XPO6: variants seen among roughly 807,000 people sequenced by gnomAD.
The protein encoded by XPO6 is exportin-6.
In XPO6, 3 loss-of-function variants were observed where a neutral mutation model predicts 130.0. That is an observed-to-expected ratio of 0.02 (90% CI 0.01 to 0.06). The LOEUF (loss-of-function observed/expected upper bound fraction) is 0.06, where lower values mean the gene tolerates loss of function less well. Ranked by LOEUF, XPO6 falls within the 10% of genes least tolerant of loss-of-function variation. XPO6 has a pLI of 1.00. For synonymous variants in XPO6, 524 were observed against 548.9 expected (o/e 0.95, Z 0.63); for missense variants, 970 against 1,393.0 (o/e 0.70, Z 4.83).
At chr16:28,123,226 C>G (rs2087290614) in intron 13 of XPO6, among the ~76,000 whole-genome samples, 2 of 152,080 alleles carry the variant, frequency 1.3e-5, no homozygotes, top group African/African-American at 2.4e-5. Context: ...CCTCAGCGCC[C>G]CCTCCCATAG....
At chr16:28,131,059 C>T (rs2042658940) in intron 12 of XPO6, among the ~76,000 whole-genome samples, 1 of 152,222 alleles carries the variant, frequency 6.6e-6, no homozygotes, top group Non-Finnish European at 1.5e-5. Context: ...CTGGAAACAT[C>T]TGTAGCACTT....
chr16:28,194,002 G>A (rs1474955716), intron 1 of XPO6, among the ~76,000 whole-genome samples: 1 of 152,138 alleles, frequency 6.6e-6, no homozygotes, highest in African/African-American at 2.4e-5. Context: ...AATCAGGGCA[G>A]GTCGCATCTA....
chr16:28,155,296 TA>T (rs1197394874), intron 7 of XPO6, among the ~76,000 whole-genome samples: 2 of 152,182 alleles, frequency 1.3e-5, no homozygotes, highest in East Asian at 3.8e-4. Flanking sequence ...TGAAAGTCCC[TA>T]AACCGTCAAT....
rs2042686478 is a variant in XPO6, at chr16:28,132,271, T to G, written c.1606+63A>C. 7.1e-6 allele frequency: 9 copies of G among 1,274,960 alleles called. No homozygotes were observed. The highest frequency in any genetic ancestry group is 1.5e-5 in the African/African-American group (1 of 66,842). The allele number at this position is 1,274,960 out of a possible 1,614,324, so 79.0% of individuals were successfully genotyped here. A position where few individuals can be genotyped will look rare whatever the true frequency, so the allele number is the denominator to read the frequency against. On this transcript the variant is annotated intron_variant, in intron 12 of 23. Transcript: ENST00000304658. The surrounding 1 kb of genome is among the most constrained non-coding windows in gnomAD (Gnocchi z 4.0). ...GTTCCGACAGCAACGGCAGCAGTAA[T>G]GAAATATCAGTCCGATGGTTTTTTG...
intron 7 of XPO6, chr16:28,155,525 G>A (rs1335405071): frequency 6.6e-6 from 1 of 151,596 alleles, no homozygotes; most frequent in African/African-American, 2.4e-5. Flanking sequence ...ACACAGCTGT[G>A]TGCTACATTA....
Position 28,112,016 on chromosome 16 carries a change from A to AC in XPO6, c.2152-11dup. 1 of 1,606,128 alleles carries AC rather than the reference A, an allele frequency of 6.2e-7. No homozygotes were observed. The highest frequency in any genetic ancestry group is 8.5e-7 in the Non-Finnish European group (1 of 1,176,060). On this transcript the variant is annotated splice_polypyrimidine_tract_variant and intron_variant, in intron 16 of 23. Transcript: ENST00000304658. The stretch of plus-strand genomic sequence containing the variant: ...ACACCAACACCTGGGCCTACAAGAG[A>AC]CCCCAAAGGCATCCATCAGAGGTCA...
intron 9 of XPO6, among the ~76,000 whole-genome samples, chr16:28,139,180 C>A (rs1420857211): frequency 6.6e-6 from 1 of 152,122 alleles, no homozygotes; most frequent in Non-Finnish European, 1.5e-5. Context: ...GACTGTTGCC[C>A]TTATGAGAAG....
rs745808269 is a variant in XPO6, at chr16:28,166,581, G to A, written c.570C>T (p.Ile190=). The stretch of plus-strand genomic sequence containing the variant: ...TGTGTTTGTCCCAGACAGTCTCCAA[G>A]ATACCTACCAAGAAAGGAGAAACAG... ...VQTVLGLLTG[I]LETVWDKHSV... The change falls in exon 6 of 24, where the codon ATC becomes ATT. Residue 190 remains isoleucine, a synonymous_variant. Coordinates refer to ENST00000304658, the MANE Select transcript of XPO6 (RefSeq NM_015171.4). 1 of 1,583,784 alleles carries A rather than the reference G, an allele frequency of 6.3e-7. No homozygotes were observed. The highest frequency in any genetic ancestry group is 1.3e-5 in the African/African-American group (1 of 74,562).
chr16:28,146,675 TCA>T (rs1361025792), intron 8 of XPO6, among the ~76,000 whole-genome samples: 1 of 152,198 alleles, frequency 6.6e-6, no homozygotes, highest in African/African-American at 2.4e-5. Flanking sequence ...GGTGACAGGT[TCA>T]CACATTTGAA....
At chr16:28,122,135 G>C (rs1307727443) in intron 13 of XPO6, among the ~76,000 whole-genome samples, 1 of 152,044 alleles carries the variant, frequency 6.6e-6, no homozygotes. Context: ...AGAATACATC[G>C]TGAATGTTCA....
chr16:28,105,865 A>G, intron 20 of XPO6, 178 bp downstream of exon 20: 4 of 901,792 alleles, frequency 4.4e-6, no homozygotes, highest in Non-Finnish European at 6.6e-6. Context: ...AATGAACTCA[A>G]TCAATATAAA....
chr16:28,160,056 G>A (rs936411288), intron 6 of XPO6, among the ~76,000 whole-genome samples: 1 of 151,400 alleles, frequency 6.6e-6, no homozygotes, highest in African/African-American at 2.4e-5. Flanking sequence ...GTGGTGGTGC[G>A]TGCCTATAAT....
chr16:28,130,500 T>C (rs1014003701), intron 12 of XPO6, among the ~76,000 whole-genome samples: 1 of 152,150 alleles, frequency 6.6e-6, no homozygotes, highest in East Asian at 1.9e-4. Flanking sequence ...TTCCATTTGT[T>C]AATAGCCTTT....
intron 8 of XPO6, among the ~76,000 whole-genome samples, chr16:28,151,941 G>T (rs2043098754): frequency 6.6e-6 from 1 of 152,188 alleles, no homozygotes; most frequent in Non-Finnish European, 1.5e-5. Context: ...ATCTAAAATT[G>T]TACTGTGGTG....
rs1050245957 is a variant in XPO6, at chr16:28,156,306, T to C, written c.865A>G (p.Met289Val). ...RFGCDIRARK[M>V]ASVNGSSQNC... ...TGGCTGCTGCCGTTAACTGACGCCA[T>C]CTTTCTGGCCCGGATGTCACAGCCA... The change falls in exon 7 of 24, where the codon ATG becomes GTG. Residue 289 changes from methionine to valine, a missense_variant. Met to Val is a conservative substitution (Grantham distance 21). Transcript: ENST00000304658. 1.2e-6 allele frequency: 2 copies of C among 1,613,874 alleles called. No individual in the cohort carries two copies. The highest frequency in any genetic ancestry group is 1.7e-6 in the Non-Finnish European group (2 of 1,180,000).
intron 17 of XPO6, among the ~76,000 whole-genome samples, chr16:28,108,131 T>TG (rs2086827433): frequency 6.6e-6 from 1 of 152,118 alleles, no homozygotes. Context: ...TGTCACTCAG[T>TG]GGGATGCTAC....
At chr16:28,198,205 C>T (rs1335054631) in intron 1 of XPO6, among the ~76,000 whole-genome samples, 1 of 151,440 alleles carries the variant, frequency 6.6e-6, no homozygotes. Flanking sequence ...TGCTATAAAG[C>T]GGAAAAGGCA....
chr16:28,145,327 C>T (rs1410330938), intron 9 of XPO6, among the ~76,000 whole-genome samples: 2 of 152,106 alleles, frequency 1.3e-5, no homozygotes, highest in African/African-American at 4.8e-5. Flanking sequence ...CCATTATTTT[C>T]CTGGCATGCT....
chr16:28,145,328 C>T (rs1179334011), intron 9 of XPO6, among the ~76,000 whole-genome samples: 2 of 152,100 alleles, frequency 1.3e-5, no homozygotes, highest in Non-Finnish European at 2.9e-5. Context: ...CATTATTTTC[C>T]TGGCATGCTG....
Sources: gnomAD v4.1 joint callset for allele counts (sites outside exome capture counted in the v4.1 genomes callset) on GRCh38, gnomAD v4.1.1 for gene constraint, Gnocchi (gnomAD v3.1) non-coding constraint, MANE v1.5 for transcripts, NCBI Gene and HGNC (gene_info 2026-07-23, HGNC 2026-07-21) for gene names.